TPGS2: variants seen among roughly 807,000 people sequenced by gnomAD.
The protein encoded by TPGS2 is polyglutamylase subunit 2.
A neutral mutation model predicts 31.1 loss-of-function variants in TPGS2; 26 were observed. That is an observed-to-expected ratio of 0.84 (90% CI 0.61 to 1.16). The LOEUF (loss-of-function observed/expected upper bound fraction) is 1.16. Among genes scored for constraint, TPGS2 ranks in the 50% most tolerant of loss-of-function variants. TPGS2 has a pLI of 0.00. For missense variants in TPGS2, 351 were observed against 363.8 expected, an observed-to-expected ratio of 0.96 and a Z score of 0.29; for synonymous variants, 130 against 136.6, an observed-to-expected ratio of 0.95 and a Z score of 0.34.
chr18:36,786,771 T>G lies in TPGS2; in HGVS notation c.658-3640A>C, dbSNP rs1600715435. The G allele has an allele frequency of 6.5e-6, 8 of 1,227,460 alleles. No homozygotes were observed. The East Asian group carries it at 2.5e-4, about 39-fold the overall frequency. 76.0% of individuals were successfully genotyped at this position (1,227,460 alleles called of 1,614,324 possible). A position where few individuals can be genotyped will look rare whatever the true frequency, so the allele number is the denominator to read the frequency against. ...GTTTCTAAGGTTCTCTGGAGTCCCCTTGGCCAGCAGAGAGTCTGTTCACTT... is the reference window on the plus strand; with the variant it reads ...GTTTCTAAGGTTCTCTGGAGTCCCCGTGGCCAGCAGAGAGTCTGTTCACTT... On this transcript the variant is annotated intron_variant, in intron 6 of 6. Transcript: ENST00000587129.
At chr18:36,808,694 G>A (rs2150615887) in intron 2 of TPGS2, among the ~76,000 whole-genome samples, 1 of 152,116 alleles carries the variant, frequency 6.6e-6, no homozygotes, top group South Asian at 2.1e-4. Context: ...CAATGTCTAA[G>A]TTCTGACAGC....
At chr18:36,780,655 T>C (rs1277963440), downstream of TPGS2, among the ~76,000 whole-genome samples, 1 of 152,246 alleles carries the variant, frequency 6.6e-6, no homozygotes, top group Non-Finnish European at 1.5e-5. Flanking sequence ...ATACAGTCTG[T>C]TGCTCCTAAG....
chr18:36,811,490 C>G (rs2045424885), intron 2 of TPGS2, among the ~76,000 whole-genome samples: 1 of 152,132 alleles, frequency 6.6e-6, no homozygotes, highest in African/African-American at 2.4e-5. Context: ...CTAGAGGCAC[C>G]ACAAGTCTTG....
At chr18:36,811,345 G>C (rs759087492) in intron 2 of TPGS2, among the ~76,000 whole-genome samples, 15 of 152,178 alleles carry the variant, frequency 9.9e-5, no homozygotes, top group Non-Finnish European at 2.2e-4. Flanking sequence ...TAGGGTATGA[G>C]AGTTTGGGGC....
rs2044556060 is a variant in TPGS2 at position 36,796,916 on chromosome 18, TTTC to T, written c.789_791del (p.Lys264del). ...GGCCACCTGCAGGCTGCACAGGCCC[TTTC>T]TTTTTTGGGATTACGATCTTGTTCT... On this transcript the variant is annotated inframe_deletion, in exon 7 of 7. Coordinates refer to ENST00000334295, the MANE Select transcript of TPGS2 (RefSeq NM_015476.4). The T allele has an allele frequency of 1.9e-6, 3 of 1,610,102 alleles. No individual in the cohort carries two copies. Among genetic ancestry groups the T allele is most frequent in the Non-Finnish European group, 2.5e-6 (3 of 1,178,736 alleles).
At chr18:36,805,747 G>A (rs759809924) in intron 3 of TPGS2, among the ~76,000 whole-genome samples, 1 of 152,142 alleles carries the variant, frequency 6.6e-6, no homozygotes, top group South Asian at 2.1e-4. Context: ...AGGGTAGAGT[G>A]GAAGAAAAAT....
chr18:36,800,108 G>A (rs1261784599), intron 5 of TPGS2, 90 bp downstream of exon 5: 3 of 1,125,686 alleles, frequency 2.7e-6, no homozygotes, highest in Non-Finnish European at 4.0e-6. Flanking sequence ...AGAGGCCAAG[G>A]AGGTATGTGT....
chr18:36,816,703 G>A (rs2045671088), intron 2 of TPGS2, among the ~76,000 whole-genome samples: 1 of 152,168 alleles, frequency 6.6e-6, no homozygotes, highest in Non-Finnish European at 1.5e-5. Flanking sequence ...CCGCCTCCCA[G>A]GTTCAAGCGA....
At chr18:36,782,316 C>T (rs1385934299), downstream of TPGS2, among the ~76,000 whole-genome samples, 4 of 152,168 alleles carry the variant, frequency 2.6e-5, no homozygotes, top group Non-Finnish European at 5.9e-5. Context: ...TAAAAAGGGT[C>T]TCTTTTATTG....
intron 6 of TPGS2, chr18:36,798,146 G>A (rs1380010644): frequency 4.3e-6 from 5 of 1,154,810 alleles, no homozygotes; most frequent in African/African-American, 1.5e-5. Context: ...CACTCTTCCT[G>A]GGTGCATGTA....
At chr18:36,785,413 A>C (rs1453223351) in intron 6 of TPGS2, among the ~76,000 whole-genome samples, 2 of 152,198 alleles carry the variant, frequency 1.3e-5, no homozygotes, top group East Asian at 3.9e-4. Context: ...TCATCCGTGT[A>C]TGTAGGTTCA....
Position 36,794,798 on chromosome 18 carries a change from C to T in TPGS2, c.*2007G>A. 4.1e-6 allele frequency: 4 copies of T among 983,926 alleles called. No homozygotes were observed. Among genetic ancestry groups the T allele is most frequent in the Non-Finnish European group, 4.8e-6 (4 of 829,854 alleles). 60.9% of individuals were successfully genotyped at this position (983,926 alleles called of 1,614,324 possible). A position where few individuals can be genotyped will look rare whatever the true frequency, so the allele number is the denominator to read the frequency against. On this transcript the variant is annotated 3_prime_UTR_variant, in exon 7 of 7. Coordinates refer to ENST00000334295, the MANE Select transcript of TPGS2 (RefSeq NM_015476.4). ...AACAACTAAAAGGGCCAAAATGTCT[C>T]CTAGAGAATATGTGACAGTCATGTT...
rs774960292 is a variant in TPGS2, at chr18:36,805,419, G to C, written c.337C>G (p.Pro113Ala). The change falls in exon 4 of 7, where the codon CCT becomes GCT. Residue 113 changes from proline to alanine, a missense_variant. By Grantham distance (27) the Pro-to-Ala change is conservative. Transcript: ENST00000334295. The stretch of plus-strand genomic sequence containing the variant: ...AGGTCTGCCAGAGTGGGTGCATTAG[G>C]AAGTGAATACATGGAAGACTGGGTG... Reference protein sequence around the residue: ...QLTQSSMYSLPNAPTLADLED... With the variant: ...QLTQSSMYSLANAPTLADLED... 1.2e-6 allele frequency: 2 copies of C among 1,614,014 alleles called. No homozygotes were observed. The highest frequency in any genetic ancestry group is 2.2e-5 in the South Asian group (2 of 91,082).
At chr18:36,818,586 A>G (rs1346231991) in intron 2 of TPGS2, 1 of 254,108 alleles carries the variant, frequency 3.9e-6, no homozygotes, top group Non-Finnish European at 7.6e-6. Flanking sequence ...TGTTCTGGAC[A>G]GCATGACACT....
chr18:36,787,934 C>G (rs1379047561), intron 6 of TPGS2, among the ~76,000 whole-genome samples: 1 of 152,198 alleles, frequency 6.6e-6, no homozygotes, highest in Admixed American at 6.5e-5. Context: ...AAAAAATTGC[C>G]TGAAATTCTA....
chr18:36,794,048 C>A, downstream of TPGS2: 1 of 174,530 alleles, frequency 5.7e-6, no homozygotes, highest in Middle Eastern at 2.8e-3. Flanking sequence ...GCCAAGTGCT[C>A]ATATTTTCAT....
chr18:36,821,664 T>C (rs549017460), intron 1 of TPGS2, among the ~76,000 whole-genome samples: 52 of 152,124 alleles, frequency 3.4e-4, no homozygotes, highest in Non-Finnish European at 6.0e-4. Context: ...CAAGATAATA[T>C]GTAATTATGT....
At chr18:36,787,406 G>C (rs117819768) in intron 6 of TPGS2, among the ~76,000 whole-genome samples, 1,723 of 152,328 alleles carry the variant, frequency 0.011, 28 homozygotes, top group Non-Finnish European at 0.013. Context: ...TCTTTGGGGA[G>C]AGCGATCCCA....
chr18:36,801,616 G>GA (rs1470380513), intron 4 of TPGS2, among the ~76,000 whole-genome samples: 1 of 152,312 alleles, frequency 6.6e-6, no homozygotes, highest in East Asian at 1.9e-4. Flanking sequence ...TTACAGGTGT[G>GA]AATGACTGAA....
Sources: allele counts gnomAD v4.1 joint callset (sites outside exome capture counted in the v4.1 genomes callset), GRCh38; gene constraint gnomAD v4.1.1; transcripts MANE v1.5; gene names NCBI Gene and HGNC (gene_info 2026-07-23, HGNC 2026-07-21).